The following LIMK1 variants were observed in gnomAD, a reference collection of about 807,000 sequenced individuals.
LIMK1 encodes the protein LIM domain kinase 1, also known as LIM motif-containing protein kinase.
Under a neutral mutation model 77.6 loss-of-function variants are expected in LIMK1, and 21 were observed. That is an observed-to-expected ratio of 0.27 (90% CI 0.19 to 0.39). The LOEUF is 0.39. Ranked by LOEUF, LIMK1 falls within the 10% of genes least tolerant of loss-of-function variation. The pLI is 1.00. For synonymous variants in LIMK1, 358 were observed against 370.0 expected (o/e 0.97, Z 0.37); for missense variants, 696 against 901.6 (o/e 0.77, Z 2.92).
chr7:74,093,662 TCTC>T (rs1481945971), intron 2 of LIMK1, among the ~76,000 whole-genome samples: 13 of 151,996 alleles, frequency 8.6e-5, no homozygotes, highest in Admixed American at 2.6e-4. Context: ...GCCTCCCCCT[TCTC>T]CTGCCCCAGC....
intron 2 of LIMK1, among the ~76,000 whole-genome samples, chr7:74,092,721 G>T (rs1247172341): frequency 2.0e-5 from 3 of 152,212 alleles, no homozygotes; most frequent in Non-Finnish European, 2.9e-5. Context: ...GGCAAGGAGG[G>T]CTGAGCATGC....
intron 13 of LIMK1, among the ~76,000 whole-genome samples, chr7:74,118,219 A>G (rs1799855619): frequency 1.3e-5 from 2 of 151,608 alleles, no homozygotes. Context: ...TACTAAAAAT[A>G]CAAAAAAATT....
intron 5 of LIMK1, 109 bp from the exon 6 acceptor site, chr7:74,105,766 A>G: frequency 1.4e-6 from 1 of 695,002 alleles, no homozygotes; most frequent in East Asian, 2.7e-5. Context: ...AGTCACACGA[A>G]GTAGAATCCT....
intron 2 of LIMK1, among the ~76,000 whole-genome samples, chr7:74,094,700 G>A (rs753923264): frequency 6.6e-6 from 1 of 152,140 alleles, no homozygotes; most frequent in Non-Finnish European, 1.5e-5. Flanking sequence ...GAGGTGCCCT[G>A]TAGACCACCC....
At chr7:74,109,062 C>G (rs782721225) in intron 10 of LIMK1, 26 bp downstream of exon 10, 34 of 1,577,394 alleles carry the variant, frequency 2.2e-5, no homozygotes, top group Admixed American at 1.0e-4. Flanking sequence ...AGCCAGCCAC[C>G]CCCGCTGTGC....
chr7:74,096,804 C>A, intron 3 of LIMK1, 44 bp downstream of exon 3: 2 of 1,540,738 alleles, frequency 1.3e-6, no homozygotes, highest in East Asian at 4.5e-5. Context: ...GTGGGGGTAT[C>A]CAAGCAGACC....
At chr7:74,100,254 C>G (rs1360831569) in intron 5 of LIMK1, among the ~76,000 whole-genome samples, 1 of 152,108 alleles carries the variant, frequency 6.6e-6, no homozygotes, top group East Asian at 1.9e-4. Flanking sequence ...TGGGGCAGGG[C>G]TGATAAAGAT....
chr7:74,098,081 G>C (rs1799371597), intron 4 of LIMK1, among the ~76,000 whole-genome samples: 1 of 152,114 alleles, frequency 6.6e-6, no homozygotes. Flanking sequence ...TTTTTATTGG[G>C]ATTTCATTAC....
chr7:74,094,355 G>A (rs1212915502), intron 2 of LIMK1: 8 of 152,290 alleles, frequency 5.3e-5, no homozygotes, highest in South Asian at 2.1e-4. Flanking sequence ...CTGCGTGAGC[G>A]AGTGAATGGA....
intron 5 of LIMK1, among the ~76,000 whole-genome samples, chr7:74,099,941 G>T (rs62476413): frequency 0.026 from 3,761 of 147,322 alleles, 63 homozygotes; most frequent in Middle Eastern, 0.046. Context: ...GCAACATAGC[G>T]AGACCTGCAT....
intron 13 of LIMK1, among the ~76,000 whole-genome samples, chr7:74,118,222 A>C (rs1799856166): frequency 6.6e-6 from 1 of 151,266 alleles, no homozygotes; most frequent in Non-Finnish European, 1.5e-5. Context: ...TAAAAATACA[A>C]AAAAATTAGC....
chr7:74,090,316 AGT>A (rs1799212902), intron 2 of LIMK1, among the ~76,000 whole-genome samples: 1 of 152,142 alleles, frequency 6.6e-6, no homozygotes, highest in South Asian at 2.1e-4. Context: ...CAGTGATTGC[AGT>A]GAGTCAAGAT....
intron 2 of LIMK1, among the ~76,000 whole-genome samples, chr7:74,091,534 T>C (rs974547832): frequency 4.6e-5 from 7 of 152,104 alleles, no homozygotes; most frequent in African/African-American, 1.7e-4. Context: ...TAAAAAGCGA[T>C]TTTACAAATG....
intron 13 of LIMK1, among the ~76,000 whole-genome samples, chr7:74,118,829 A>G (rs1327722107): frequency 6.6e-6 from 1 of 152,204 alleles, no homozygotes; most frequent in Non-Finnish European, 1.5e-5. Flanking sequence ...ATTTCCACCT[A>G]GTTGGCATTC....
intron 13 of LIMK1, 144 bp from the exon 14 acceptor site, chr7:74,120,439 G>A: frequency 2.5e-6 from 2 of 794,634 alleles, no homozygotes; most frequent in South Asian, 3.1e-5. Flanking sequence ...CCTAAGCCTG[G>A]GTTCCCATAG....
At chr7:74,099,360 A>G in intron 5 of LIMK1, 122 bp downstream of exon 5, 1 of 914,204 alleles carries the variant, frequency 1.1e-6, no homozygotes, top group African/African-American at 1.6e-5. Context: ...GATGGGGCCC[A>G]GTTCTGACAA....
chr7:74,085,803 C>CCT lies in LIMK1; in HGVS notation c.113_114dup (p.Gln39SerfsTer4). On this transcript the variant is annotated frameshift_variant, in exon 2 of 16. Coordinates refer to ENST00000336180, the MANE Select transcript of LIMK1 (RefSeq NM_002314.4). LOFTEE classifies it high-confidence loss of function. The stretch of plus-strand genomic sequence containing the variant: ...GCCAGAGGATCTATGATGGCCAGTA[C>CCT]CTCCAGGCCCTGAACGCGGACTGGC... 6.4e-7 allele frequency: 1 copy of CCT among 1,563,552 alleles called. No individual in the cohort carries two copies. Among genetic ancestry groups the CCT allele is most frequent in the Non-Finnish European group, 8.7e-7 (1 of 1,153,616 alleles).
At chr7:74,107,315 CCT>C (rs781865033) in intron 8 of LIMK1, 122 bp downstream of exon 8, 316 of 1,064,492 alleles carry the variant, frequency 3.0e-4, no homozygotes, top group Non-Finnish European at 3.7e-4. Context: ...TGGCCAGTGC[CCT>C]CTCCTCCCTT....
intron 4 of LIMK1, among the ~76,000 whole-genome samples, chr7:74,098,515 G>T (rs193115281): frequency 1.5e-4 from 23 of 152,252 alleles, no homozygotes; most frequent in African/African-American, 4.3e-4. Context: ...GGCTGGGCAC[G>T]CACAGTTCCT....
Sources: allele counts gnomAD v4.1 joint callset (sites outside exome capture counted in the v4.1 genomes callset), GRCh38; gene constraint gnomAD v4.1.1; transcripts MANE v1.5; gene names NCBI Gene and HGNC (gene_info 2026-07-23, HGNC 2026-07-21).